Variants in CDH18 observed in about 807,000 individuals in gnomAD.
CDH18 encodes cadherin-18.
In CDH18, 31 loss-of-function variants were observed where a neutral mutation model predicts 67.9. That is an observed-to-expected ratio of 0.46 (90% confidence interval 0.34 to 0.62). The LOEUF is 0.62. Ranked by LOEUF, CDH18 falls within the 20% of genes least tolerant of loss-of-function variation. The pLI, the probability that CDH18 is intolerant of heterozygous loss-of-function variation, is 0.01. For missense variants in CDH18, 890 were observed against 975.5 expected (o/e 0.91, Z 1.17); for synonymous variants, 362 against 347.2 (o/e 1.04, Z -0.48).
chr5:20,449,361 A>G (rs1750252718), intron 1 of CDH18, among the ~76,000 whole-genome samples: 1 of 152,270 alleles, frequency 6.6e-6, no homozygotes, highest in South Asian at 2.1e-4. Flanking sequence ...AAAAGAAAAC[A>G]TATTAATTAT....
At chr5:20,001,387 T>C (rs755029058) in intron 2 of CDH18, among the ~76,000 whole-genome samples, 1 of 152,090 alleles carries the variant, frequency 6.6e-6, no homozygotes, top group African/African-American at 2.4e-5. Flanking sequence ...AGGTGTTATA[T>C]AATAAATGCT....
At chr5:19,503,196 T>C in intron 10 of CDH18, 87 bp from the exon 11 acceptor site, 1 of 679,454 alleles carries the variant, frequency 1.5e-6, no homozygotes, top group Non-Finnish European at 2.5e-6. Flanking sequence ...TGTTTAAAAA[T>C]ATTTTTAAAG....
At chr5:20,079,286 G>C (rs937921138) in intron 2 of CDH18, among the ~76,000 whole-genome samples, 2 of 152,096 alleles carry the variant, frequency 1.3e-5, no homozygotes, top group African/African-American at 4.8e-5. Flanking sequence ...GACGTCTTTA[G>C]ATTCCAGATA....
chr5:19,861,951 T>A lies in CDH18; in HGVS notation c.-256-22709A>T, dbSNP rs560486036. Among the ~76,000 whole-genome samples, 4 of 152,280 alleles carry A rather than the reference T, an allele frequency of 2.6e-5. No homozygotes were observed. The East Asian group carries it at 7.7e-4, about 29-fold the overall frequency. On this transcript the variant is annotated intron_variant, in intron 2 of 12. Transcript: ENST00000382275. ...GGTTCAGAAACAGTTCTGGCTGGAATGATACATTGGTGCATTACCAGAAGG... is the reference window on the plus strand; with the variant it reads ...GGTTCAGAAACAGTTCTGGCTGGAAAGATACATTGGTGCATTACCAGAAGG...
At chr5:20,144,187 C>T (rs1244810732) in intron 2 of CDH18, among the ~76,000 whole-genome samples, 2 of 151,718 alleles carry the variant, frequency 1.3e-5, no homozygotes, top group Non-Finnish European at 2.9e-5. Context: ...TTCCAGAGGG[C>T]AGACTTCCAC....
intron 1 of CDH18, among the ~76,000 whole-genome samples, chr5:20,498,205 T>C (rs1389872973): frequency 8.7e-6 from 1 of 114,880 alleles, no homozygotes; most frequent in Non-Finnish European, 1.9e-5. Flanking sequence ...TTTATAGTCA[T>C]GTGACTTGAT....
chr5:19,673,371 A>G (rs1013054757), intron 5 of CDH18, among the ~76,000 whole-genome samples: 3 of 152,078 alleles, frequency 2.0e-5, no homozygotes, highest in Non-Finnish European at 4.4e-5. Context: ...TATTTTATTA[A>G]TAAGTCTTGA....
intron 9 of CDH18, among the ~76,000 whole-genome samples, chr5:19,524,990 C>T (rs1747528622): frequency 6.6e-6 from 1 of 152,084 alleles, no homozygotes; most frequent in Non-Finnish European, 1.5e-5. Context: ...CGTGATCCGC[C>T]GGCCTCGGTC....
At chr5:20,115,544 T>G (rs1361281559) in intron 2 of CDH18, among the ~76,000 whole-genome samples, 1 of 151,936 alleles carries the variant, frequency 6.6e-6, no homozygotes, top group Non-Finnish European at 1.5e-5. Context: ...CTTAAAGTGC[T>G]GGGATTACAG....
rs1579643642 is a variant in CDH18, at chr5:19,473,298, A to G, written c.2301T>C (p.Leu767=). ...TTQSDQDYHY[L]GDWGPEFKKL... ...TTTTAAACTCGGGTCCCCAGTCTCC[A>G]AGGTAGTGATAATCCTGGTCTGATT... Residue 767 remains leucine, a synonymous_variant, in exon 13 of 13, where the codon CTT becomes CTC. Transcript: ENST00000382275. 6.2e-7 allele frequency: 1 copy of G among 1,613,794 alleles called. No individual in the cohort carries two copies.
At chr5:19,605,652 T>G (rs938714461) in intron 6 of CDH18, among the ~76,000 whole-genome samples, 9 of 152,102 alleles carry the variant, frequency 5.9e-5, no homozygotes, top group African/African-American at 2.2e-4. Context: ...AGAAAATGAC[T>G]GTTTTAAGGC....
intron 4 of CDH18, among the ~76,000 whole-genome samples, chr5:19,741,759 T>C (rs561703535): frequency 6.6e-6 from 1 of 152,306 alleles, no homozygotes; most frequent in African/African-American, 2.4e-5. Context: ...GCATGTTCCC[T>C]AGGGCAGTAG....
At chr5:20,184,476 G>GT (rs1737939214) in intron 2 of CDH18, among the ~76,000 whole-genome samples, 1 of 151,958 alleles carries the variant, frequency 6.6e-6, no homozygotes, top group African/African-American at 2.4e-5. Flanking sequence ...CTAATACAAG[G>GT]TTAAGGCAGC....
rs77318393 is a variant in CDH18 at position 20,057,887 on chromosome 5, T to C, written c.-517-65873A>G. ...ACATTTACTTAAAATGTGTGTGCAA[T>C]AACTTTTAAGATTCTTAAGCAATAT... On this transcript the variant is annotated intron_variant, in intron 2 of 14. Coordinates refer to the CDH18 transcript ENST00000507958. Among the ~76,000 whole-genome samples the C allele has an allele frequency of 2.5e-3, 388 of 152,252 alleles. 1 individual carries two copies. The highest frequency in any genetic ancestry group is 6.8e-3 in the Middle Eastern group (2 of 294).
At chr5:20,305,293 C>G (rs554251237) in intron 1 of CDH18, 26 of 1,507,146 alleles carry the variant, frequency 1.7e-5, no homozygotes, top group Admixed American at 1.3e-4. Context: ...GCCTCCTCTA[C>G]TGTCAGATTC....
chr5:20,552,726 A>T (rs548769570), intron 1 of CDH18, among the ~76,000 whole-genome samples: 1 of 152,156 alleles, frequency 6.6e-6, no homozygotes, highest in Non-Finnish European at 1.5e-5. Flanking sequence ...TCATTTTCTC[A>T]AAAAGGAGTT....
chr5:20,446,635 C>T (rs1287781941), intron 1 of CDH18, among the ~76,000 whole-genome samples: 3 of 152,144 alleles, frequency 2.0e-5, no homozygotes, highest in Admixed American at 1.3e-4. Flanking sequence ...AGCAGACTCC[C>T]GTTATCTAGA....
At chr5:19,970,874 T>C (rs1797957713) in intron 2 of CDH18, among the ~76,000 whole-genome samples, 1 of 151,556 alleles carries the variant, frequency 6.6e-6, no homozygotes, top group Non-Finnish European at 1.5e-5. Flanking sequence ...TTGACATATA[T>C]AGGTAATACA....
chr5:20,550,891 G>T (rs1175259144), intron 1 of CDH18, among the ~76,000 whole-genome samples: 1 of 152,180 alleles, frequency 6.6e-6, no homozygotes, highest in East Asian at 1.9e-4. Context: ...AGTCAAAGCA[G>T]GAGCTGGTGT....
Sources: gnomAD v4.1 joint callset for allele counts (sites outside exome capture counted in the v4.1 genomes callset) on GRCh38, gnomAD v4.1.1 for gene constraint, MANE v1.5 for transcripts, NCBI Gene and HGNC (gene_info 2026-07-23, HGNC 2026-07-21) for gene names.